Variants in VIT observed in about 807,000 individuals in gnomAD.
The protein encoded by VIT is vitrin.
In VIT, 99 loss-of-function variants were observed where a neutral mutation model predicts 78.0. That is an observed-to-expected ratio of 1.27 (90% CI 1.08 to 1.50). The LOEUF (loss-of-function observed/expected upper bound fraction) is 1.50, where lower values mean the gene tolerates loss of function less well. VIT is among the 40% of genes most tolerant of loss of function. The pLI is 0.00. For synonymous variants in VIT, 374 were observed against 334.3 expected (o/e 1.12, Z -1.29); for missense variants, 1,126 against 875.3 (o/e 1.29, Z -3.61).
intron 1 of VIT, among the ~76,000 whole-genome samples, chr2:36,699,650 A>ATAGATAGAT (rs1664919098): frequency 6.6e-6 from 1 of 151,706 alleles, no homozygotes; most frequent in Non-Finnish European, 1.5e-5. Context: ...AGATAGATAG[A>ATAGATAGAT]TAGATAGATA....
At chr2:36,796,123 A>T (rs1020441599) in intron 12 of VIT, among the ~76,000 whole-genome samples, 23 of 152,078 alleles carry the variant, frequency 1.5e-4, no homozygotes, top group African/African-American at 5.3e-4. Context: ...AAAAAAAAAA[A>T]AAAAACATAG....
intron 9 of VIT, among the ~76,000 whole-genome samples, chr2:36,777,081 T>C: frequency 4.3e-5 from 2 of 46,100 alleles, no homozygotes; most frequent in Non-Finnish European, 1.1e-4. Context: ...AGAGCGAGAC[T>C]CTGTCTCAAA....
At chr2:36,770,158 T>C (rs1669660902) in intron 7 of VIT, among the ~76,000 whole-genome samples, 1 of 152,216 alleles carries the variant, frequency 6.6e-6, no homozygotes, top group Non-Finnish European at 1.5e-5. Context: ...ACAAACGTTT[T>C]ATGGAATGCC....
intron 8 of VIT, chr2:36,774,397 G>C (rs1407296430): frequency 2.9e-6 from 2 of 689,144 alleles, no homozygotes; most frequent in Non-Finnish European, 3.6e-6. Flanking sequence ...GGCCTGCAGA[G>C]ATTAGAAAGG....
At chr2:36,793,273 T>G (rs1205227246) in intron 12 of VIT, among the ~76,000 whole-genome samples, 1 of 152,162 alleles carries the variant, frequency 6.6e-6, no homozygotes, top group African/African-American at 2.4e-5. Context: ...TTTTGGTAGA[T>G]GAGTGGAATT....
At chr2:36,803,352 T>G (rs902062035) in intron 13 of VIT, among the ~76,000 whole-genome samples, 3 of 152,172 alleles carry the variant, frequency 2.0e-5, no homozygotes, top group Non-Finnish European at 4.4e-5. Flanking sequence ...TGCAAGGGAG[T>G]CTGGAAAATG....
chr2:36,780,820 T>TGGAG (rs1156981224), intron 9 of VIT, among the ~76,000 whole-genome samples: 1 of 136,390 alleles, frequency 7.3e-6, no homozygotes, highest in African/African-American at 2.8e-5. Context: ...GAGGGTGGGA[T>TGGAG]GGAGGGAGGG....
At chr2:36,729,619 G>A in intron 3 of VIT, 128 bp downstream of exon 3, 1 of 897,204 alleles carries the variant, frequency 1.1e-6, no homozygotes, top group Non-Finnish European at 1.7e-6. Context: ...TTTCCACTCA[G>A]ATTAATTAGT....
At chr2:36,743,599 A>T (rs1667966803) in intron 4 of VIT, among the ~76,000 whole-genome samples, 1 of 152,156 alleles carries the variant, frequency 6.6e-6, no homozygotes, top group African/African-American at 2.4e-5. Flanking sequence ...GTTCTCAAAG[A>T]TGTGGTTATA....
intron 15 of VIT, among the ~76,000 whole-genome samples, chr2:36,813,943 C>T (rs1001944087): frequency 5.9e-5 from 9 of 152,120 alleles, no homozygotes; most frequent in East Asian, 3.9e-4. Context: ...ATTATATAAA[C>T]GTTGTTACTG....
At chr2:36,719,529 C>A (rs721349) in intron 2 of VIT, among the ~76,000 whole-genome samples, 66,926 of 151,948 alleles carry the variant, frequency 0.44, 16,922 homozygotes, top group Admixed American at 0.6. Flanking sequence ...CACCTCTATA[C>A]ACTAACAATG....
chr2:36,723,410 T>A (rs11891706), intron 2 of VIT, among the ~76,000 whole-genome samples: 24,484 of 152,232 alleles, frequency 0.16, 2,074 homozygotes, highest in East Asian at 0.19. Flanking sequence ...TGGCCCTGCC[T>A]GCTTATACTT....
At chr2:36,812,032 C>T (rs1030916636) in intron 15 of VIT, among the ~76,000 whole-genome samples, 10 of 152,162 alleles carry the variant, frequency 6.6e-5, no homozygotes, top group African/African-American at 2.4e-4. Flanking sequence ...ACCTCTCCAT[C>T]TTTGAGCGGG....
intron 7 of VIT, among the ~76,000 whole-genome samples, chr2:36,768,068 G>C (rs375506109): frequency 6.6e-6 from 1 of 152,136 alleles, no homozygotes; most frequent in Admixed American, 6.5e-5. Context: ...CTGCCACATA[G>C]CATGACCCTT....
chr2:36,750,376 G>A (rs1344427666), intron 4 of VIT, among the ~76,000 whole-genome samples: 1 of 152,178 alleles, frequency 6.6e-6, no homozygotes, highest in Admixed American at 6.5e-5. Flanking sequence ...GGGTGAGCCT[G>A]TCTTAAGGTT....
At chr2:36,731,291 T>C (rs1667190764) in intron 3 of VIT, among the ~76,000 whole-genome samples, 1 of 152,118 alleles carries the variant, frequency 6.6e-6, no homozygotes, top group Non-Finnish European at 1.5e-5. Flanking sequence ...TATTTTATTT[T>C]TGAGATGGAG....
intron 2 of VIT, among the ~76,000 whole-genome samples, chr2:36,723,022 AG>A (rs1228968578): frequency 6.6e-6 from 1 of 151,188 alleles, no homozygotes; most frequent in Admixed American, 6.6e-5. Flanking sequence ...CAAATGTAAA[AG>A]GGGAAAATAC....
chr2:36,799,525 A>G (rs538463194), intron 12 of VIT, among the ~76,000 whole-genome samples: 57 of 152,146 alleles, frequency 3.7e-4, no homozygotes, highest in Non-Finnish European at 7.4e-4. Flanking sequence ...AAGACCAGCC[A>G]GGGGCAACAT....
At chr2:36,779,636 C>T (rs1664605538) in intron 9 of VIT, among the ~76,000 whole-genome samples, 1 of 152,156 alleles carries the variant, frequency 6.6e-6, no homozygotes, top group Non-Finnish European at 1.5e-5. Context: ...CCTCCCAACC[C>T]TCCAACAGGC....
Sources: allele counts gnomAD v4.1 joint callset (sites outside exome capture counted in the v4.1 genomes callset), GRCh38; gene constraint gnomAD v4.1.1; transcripts MANE v1.5; gene names NCBI Gene and HGNC (gene_info 2026-07-23, HGNC 2026-07-21).